Variants in NAV3 observed in about 807,000 individuals in gnomAD.
NAV3 encodes pore membrane and/or filament interacting like protein 1.
Under a neutral mutation model 244.7 loss-of-function variants are expected in NAV3, and 87 were observed. The observed-to-expected ratio is 0.36, with a 90% CI of 0.30 to 0.42. The LOEUF (loss-of-function observed/expected upper bound fraction) is 0.42. Ranked by LOEUF, NAV3 falls within the 20% of genes least tolerant of loss-of-function variation. The pLI is 1.00. For synonymous variants in NAV3, 1,126 were observed against 1,042.2 expected, an observed-to-expected ratio of 1.08 and a Z score of -1.55; for missense variants, 2,663 against 2,893.3, an observed-to-expected ratio of 0.92 and a Z score of 1.83.
intron 11 of NAV3, among the ~76,000 whole-genome samples, chr12:78,056,616 C>A (rs1883546654): frequency 6.6e-6 from 1 of 152,044 alleles, no homozygotes; most frequent in African/African-American, 2.4e-5. Flanking sequence ...GTAATCTCAG[C>A]TACTTGGTAA....
intron 6 of NAV3, among the ~76,000 whole-genome samples, 161 bp downstream of exon 6, chr12:77,995,032 G>C (rs766202442): frequency 6.6e-6 from 1 of 151,832 alleles, no homozygotes; most frequent in Non-Finnish European, 1.5e-5. Flanking sequence ...TCAGGGATGA[G>C]CATGTTTGTA....
chr12:77,921,298 A>G (rs1887687686), intron 1 of NAV3, among the ~76,000 whole-genome samples: 1 of 152,106 alleles, frequency 6.6e-6, no homozygotes, highest in South Asian at 2.1e-4. Context: ...TTCCTCAGTT[A>G]AGGCAATACC....
intron 1 of NAV3, among the ~76,000 whole-genome samples, chr12:77,880,089 C>T (rs1243272366): frequency 6.6e-6 from 1 of 152,148 alleles, no homozygotes; most frequent in Non-Finnish European, 1.5e-5. Flanking sequence ...AATGAGTTTA[C>T]CTTTCATGCT....
intron 2 of NAV3, among the ~76,000 whole-genome samples, chr12:77,801,083 G>T (rs1305850629): frequency 6.6e-6 from 1 of 152,034 alleles, no homozygotes; most frequent in Non-Finnish European, 1.5e-5. Flanking sequence ...AATCCAGATA[G>T]ACCTCAGGTA....
At chr12:77,634,649 C>G (rs528966612) in intron 2 of NAV3, among the ~76,000 whole-genome samples, 1 of 152,004 alleles carries the variant, frequency 6.6e-6, no homozygotes, top group Non-Finnish European at 1.5e-5. Context: ...TCGCCTATTT[C>G]CATTTTGAAA....
rs557884745 is a variant in NAV3 at position 77,891,221 on chromosome 12, C to T, written c.244-49098C>T. Among the ~76,000 whole-genome samples, 11 of 148,244 alleles carry T rather than the reference C, an allele frequency of 7.4e-5. No homozygotes were observed. The South Asian group carries it at 2.1e-3, about 29-fold the overall frequency. The stretch of plus-strand genomic sequence containing the variant: ...TTGTATCTATGCTGTGATTTAATAT[C>T]AATTTATAAAGATAAATTTATAAAG... On this transcript the variant is annotated intron_variant, in intron 1 of 39. Transcript: ENST00000397909.
At position 78,131,606 on chromosome 12, in the gene NAV3, CCTT is replaced by C. The variant is rs1593716998; in HGVS notation, c.4441+2746_4441+2748del. Among the ~76,000 whole-genome samples the C allele has an allele frequency of 3.3e-5, 5 of 152,066 alleles. 1 individual carries two copies. The South Asian group carries it at 8.3e-4, about 25-fold the overall frequency. On this transcript the variant is annotated intron_variant, in intron 18 of 39. Transcript: ENST00000397909. ...TTGACGTTAATTTGATTAGTTGACT[CCTT>C]CTTCTATTTTTCCTCACCATTATTA...
intron 22 of NAV3, among the ~76,000 whole-genome samples, chr12:78,155,451 G>A (rs551087295): frequency 1.3e-5 from 2 of 152,136 alleles, no homozygotes; most frequent in African/African-American, 2.4e-5. Context: ...TCATGTCTTT[G>A]CTATTGTGAC....
chr12:77,802,098 A>C (rs1871740434), intron 2 of NAV3, among the ~76,000 whole-genome samples: 1 of 152,228 alleles, frequency 6.6e-6, no homozygotes, highest in Non-Finnish European at 1.5e-5. Flanking sequence ...TCATGATTTA[A>C]AAGAAGCTAT....
intron 12 of NAV3, among the ~76,000 whole-genome samples, chr12:78,090,435 A>G (rs1490178590): frequency 6.6e-6 from 1 of 152,020 alleles, no homozygotes; most frequent in African/African-American, 2.4e-5. Flanking sequence ...TTCTACTAAC[A>G]TTAACCATAT....
At chr12:77,624,595 G>A (rs1222659745) in intron 2 of NAV3, among the ~76,000 whole-genome samples, 1 of 152,030 alleles carries the variant, frequency 6.6e-6, no homozygotes, top group Non-Finnish European at 1.5e-5. Flanking sequence ...ACATACAGAA[G>A]GTATGAAGTG....
Position 77,755,651 on chromosome 12 carries a change from TTCCTTCCA to T in NAV3, c.72+183386_72+183393del, listed in dbSNP as rs1224384313. ...CTTCCTTCCTTCCTTCCTTCCTTCC[TTCCTTCCA>T]CTCTCTCTCTTTCTTTCTCTCTTTC... On this transcript the variant is annotated intron_variant, in intron 2 of 8. Coordinates refer to the NAV3 transcript ENST00000550042. Among the ~76,000 whole-genome samples, 437 of 105,276 alleles carry T rather than the reference TTCCTTCCA, an allele frequency of 4.2e-3. 95 individuals are homozygous for T. Among genetic ancestry groups the T allele is most frequent in the African/African-American group, 7.1e-3 (201 of 28,274 alleles). 69.1% of individuals were successfully genotyped at this position (105,276 alleles called of 152,430 possible).
intron 1 of NAV3, among the ~76,000 whole-genome samples, chr12:77,884,366 G>A (rs1434055200): frequency 6.6e-6 from 1 of 152,052 alleles, no homozygotes; most frequent in African/African-American, 2.4e-5. Flanking sequence ...CCCACAGTAG[G>A]ATGTCTACAA....
intron 2 of NAV3, among the ~76,000 whole-genome samples, chr12:77,706,110 T>C (rs1343169455): frequency 6.6e-6 from 1 of 151,236 alleles, no homozygotes; most frequent in Non-Finnish European, 1.5e-5. Flanking sequence ...TTATGATGCA[T>C]ACTTCAAATT....
chr12:78,033,835 CAA>C (rs545793300), intron 9 of NAV3, among the ~76,000 whole-genome samples: 9 of 152,216 alleles, frequency 5.9e-5, no homozygotes, highest in Admixed American at 5.2e-4. Context: ...TTTAATCTGA[CAA>C]ATGAAATACA....
intron 12 of NAV3, among the ~76,000 whole-genome samples, chr12:78,091,247 T>C (rs963427802): frequency 2.0e-5 from 3 of 152,188 alleles, no homozygotes; most frequent in Non-Finnish European, 2.9e-5. Flanking sequence ...AATATAACAA[T>C]AGTAGTAACT....
At chr12:77,635,090 G>A (rs1035315087) in intron 2 of NAV3, among the ~76,000 whole-genome samples, 3 of 152,046 alleles carry the variant, frequency 2.0e-5, no homozygotes, top group Non-Finnish European at 2.9e-5. Context: ...CTAGCCAGGC[G>A]TAGTGATGTG....
At chr12:77,992,633 A>G (rs925303114) in intron 5 of NAV3, among the ~76,000 whole-genome samples, 8 of 152,192 alleles carry the variant, frequency 5.3e-5, no homozygotes, top group African/African-American at 1.4e-4. Flanking sequence ...AGGTTAATTT[A>G]AGGAGTAGAA....
chr12:77,694,958 A>G (rs1875227058), intron 2 of NAV3, among the ~76,000 whole-genome samples: 1 of 152,170 alleles, frequency 6.6e-6, no homozygotes, highest in Non-Finnish European at 1.5e-5. Context: ...AAGTTGTATT[A>G]CACCACTGGG....
Sources: gnomAD v4.1 joint callset for allele counts (sites outside exome capture counted in the v4.1 genomes callset) on GRCh38, gnomAD v4.1.1 for gene constraint, MANE v1.5 for transcripts, NCBI Gene and HGNC (gene_info 2026-07-23, HGNC 2026-07-21) for gene names.